ELOVL2: variants seen among roughly 807,000 people sequenced by gnomAD.
The protein encoded by ELOVL2 is very long chain fatty acid elongase 2.
ELOVL2 carries 38 observed loss-of-function variants against 37.7 expected under a neutral mutation model. The ratio of observed to expected loss-of-function variants is 1.01; its 90% CI spans 0.78 to 1.32. The LOEUF is 1.32. Ranked by LOEUF, ELOVL2 falls within the 40% of genes most tolerant of loss-of-function variation. The pLI is 0.00. For missense variants in ELOVL2, 352 were observed against 363.6 expected (o/e 0.97, Z 0.26); for synonymous variants, 115 against 122.3 (o/e 0.94, Z 0.40).
At chr6:11,014,197 T>C (rs1021402774) in intron 1 of ELOVL2, among the ~76,000 whole-genome samples, 4 of 152,242 alleles carry the variant, frequency 2.6e-5, no homozygotes, top group African/African-American at 9.6e-5. Flanking sequence ...TTCAGTAGTT[T>C]GGTAAAAACA....
chr6:11,042,630 A>C (rs1190387668), intron 1 of ELOVL2, among the ~76,000 whole-genome samples: 1 of 151,940 alleles, frequency 6.6e-6, no homozygotes, highest in Non-Finnish European at 1.5e-5. Context: ...CTCTGATGCC[A>C]AGGTGCAAAG....
chr6:10,995,083 A>C lies in ELOVL2; in HGVS notation c.429T>G (p.Thr143=), dbSNP rs748990852. 6.2e-7 allele frequency: 1 copy of C among 1,613,568 alleles called. No individual in the cohort carries two copies. Among genetic ancestry groups the C allele is most frequent in the Non-Finnish European group, 8.5e-7 (1 of 1,179,488 alleles). The change falls in exon 5 of 8, where the codon ACT becomes ACG. Residue 143 remains threonine (T), a synonymous_variant. Coordinates refer to ENST00000354666, the MANE Select transcript of ELOVL2 (RefSeq NM_017770.4). ...AAGCATGATGATATACATGAAGAAA[A>C]GTAATCTGACTCGTTTTTTTCCGCA... The part of the protein sequence containing the change: ...FVLRKKTSQI[T]FLHVYHHASM...
In ELOVL2 at chr6:11,010,733, G is replaced by A. The variant is rs1782559177; in HGVS notation, c.67+13C>T. 2 of 1,607,372 alleles carry A rather than the reference G, an allele frequency of 1.2e-6. No homozygotes were observed. Among genetic ancestry groups the A allele is most frequent in the South Asian group, 1.1e-5 (1 of 90,630 alleles). On this transcript the variant is annotated intron_variant, in intron 2 of 7. Coordinates refer to ENST00000354666, the MANE Select transcript of ELOVL2 (RefSeq NM_017770.4). ...TGTTCCTTCCACATTAAGTTCTCAA[G>A]TAATTCACTGACCTCGCGGTCCAAA...
chr6:10,997,553 C>A (rs559628408), intron 4 of ELOVL2, among the ~76,000 whole-genome samples: 1 of 152,262 alleles, frequency 6.6e-6, no homozygotes, highest in Non-Finnish European at 1.5e-5. Flanking sequence ...CCCATTCTTT[C>A]ATGTCTTTTA....
chr6:11,028,395 G>A (rs537349469), intron 1 of ELOVL2, among the ~76,000 whole-genome samples: 37 of 152,244 alleles, frequency 2.4e-4, no homozygotes, highest in African/African-American at 6.7e-4. Flanking sequence ...TTGACTAGAC[G>A]CAGGTGTGGA....
chr6:11,013,164 CAGAG>C (rs777649309), intron 1 of ELOVL2, among the ~76,000 whole-genome samples: 3 of 152,182 alleles, frequency 2.0e-5, no homozygotes, highest in South Asian at 2.1e-4. Flanking sequence ...ACCTATCTGA[CAGAG>C]AGAACCACAG....
At position 11,044,084 on chromosome 6, in the gene ELOVL2, C is replaced by T. The variant is rs1372282942; in HGVS notation, c.3+144G>A. 3 of 1,106,644 alleles carry T rather than the reference C, an allele frequency of 2.7e-6. No individual in the cohort carries two copies. Among genetic ancestry groups the T allele is most frequent in the African/African-American group, 1.7e-5 (1 of 59,604 alleles). 68.6% of individuals were successfully genotyped at this position (1,106,644 alleles called of 1,614,324 possible). On this transcript the variant is annotated intron_variant, in intron 1 of 7. Coordinates refer to ENST00000354666, the MANE Select transcript of ELOVL2 (RefSeq NM_017770.4). The surrounding 1 kb of genome is among the most constrained non-coding windows in gnomAD (Gnocchi z 5.6). The stretch of plus-strand genomic sequence containing the variant: ...TCCCGCTCCCCAGGCCCGCGCGGAC[C>T]CGGCCCCTCCGAGGGTAGCGGGTTC...
At chr6:10,986,928 C>T (rs1229916502) in intron 7 of ELOVL2, among the ~76,000 whole-genome samples, 2 of 152,310 alleles carry the variant, frequency 1.3e-5, no homozygotes, top group Admixed American at 1.3e-4. Context: ...GGAATGGTAC[C>T]AGTTCCTCCT....
chr6:11,026,854 A>G (rs552280593), intron 1 of ELOVL2, among the ~76,000 whole-genome samples: 2 of 148,548 alleles, frequency 1.3e-5, no homozygotes, highest in South Asian at 4.2e-4. Context: ...CTATCCTTAC[A>G]TAGAGATTTC....
intron 5 of ELOVL2, among the ~76,000 whole-genome samples, chr6:10,992,388 A>G (rs1274422175): frequency 6.6e-6 from 1 of 151,844 alleles, no homozygotes; most frequent in Non-Finnish European, 1.5e-5. Context: ...ACAGTATCAA[A>G]TAGAGAGTAC....
intron 1 of ELOVL2, among the ~76,000 whole-genome samples, chr6:11,040,448 GA>G (rs910108833): frequency 6.6e-6 from 1 of 151,426 alleles, no homozygotes; most frequent in South Asian, 2.1e-4. Flanking sequence ...GATTTTCTAT[GA>G]AAAAAAACAA....
At chr6:10,995,656 T>G (rs1782254750) in intron 4 of ELOVL2, among the ~76,000 whole-genome samples, 1 of 152,262 alleles carries the variant, frequency 6.6e-6, no homozygotes, top group Non-Finnish European at 1.5e-5. Flanking sequence ...ACCTTTTCTC[T>G]GGAACTTCAC....
intron 2 of ELOVL2, among the ~76,000 whole-genome samples, chr6:11,008,633 C>A (rs1476491950): frequency 1.3e-5 from 2 of 152,094 alleles, no homozygotes; most frequent in African/African-American, 2.4e-5. Flanking sequence ...GCCCTCTACA[C>A]TGAGCTGTTC....
chr6:11,044,276 G>A lies in ELOVL2; in HGVS notation c.-46C>T, dbSNP rs766759603. ...CGGCGACCCGGGCGGGCGGCGATGC[G>A]CTGTCCAGGGTAGCCGGGTCCCTCT... is the stretch of plus-strand genomic sequence containing the variant. On this transcript the variant is annotated 5_prime_UTR_variant, in exon 1 of 8. Coordinates refer to ENST00000354666, the MANE Select transcript of ELOVL2 (RefSeq NM_017770.4). The surrounding 1 kb of genome is among the most constrained non-coding windows in gnomAD (Gnocchi z 5.6). 193 of 1,310,984 alleles carry A rather than the reference G, an allele frequency of 1.5e-4. No individual in the cohort carries two copies. The highest frequency in any genetic ancestry group is 1.7e-4 in the Non-Finnish European group (173 of 1,032,442). The allele number at this position is 1,310,984 out of a possible 1,614,324, so 81.2% of individuals were successfully genotyped here.
intron 4 of ELOVL2, among the ~76,000 whole-genome samples, chr6:10,998,680 A>G (rs1782317500): frequency 6.6e-6 from 1 of 152,036 alleles, no homozygotes; most frequent in African/African-American, 2.4e-5. Context: ...TCGCTTTCTC[A>G]TAGATATCCT....
chr6:11,006,265 G>A (rs544780036), intron 2 of ELOVL2, among the ~76,000 whole-genome samples: 6 of 152,280 alleles, frequency 3.9e-5, no homozygotes, highest in East Asian at 3.9e-4. Context: ...CCATGGGACT[G>A]GACGTTTACA....
chr6:10,986,483 G>A (rs1194435143), intron 7 of ELOVL2, among the ~76,000 whole-genome samples: 1 of 152,134 alleles, frequency 6.6e-6, no homozygotes, highest in African/African-American at 2.4e-5. Flanking sequence ...TTGGCTGTGG[G>A]TTTGTCATAG....
intron 1 of ELOVL2, among the ~76,000 whole-genome samples, chr6:11,018,863 C>T (rs1782722425): frequency 6.6e-6 from 1 of 152,076 alleles, no homozygotes; most frequent in African/African-American, 2.4e-5. Context: ...TATTATATAA[C>T]CATTAATTTC....
chr6:11,001,767 C>T lies in ELOVL2; in HGVS notation c.256-1603G>A, dbSNP rs187250249. Among the ~76,000 whole-genome samples, 9 of 152,274 alleles carry T rather than the reference C, an allele frequency of 5.9e-5. No individual in the cohort carries two copies. The East Asian group carries it at 1.7e-3, about 29-fold the overall frequency. On this transcript the variant is annotated intron_variant, in intron 3 of 7. Coordinates refer to ENST00000354666, the MANE Select transcript of ELOVL2 (RefSeq NM_017770.4). Reference sequence around the variant, plus strand: ...CCAAGCTAGAGAGGCTCTGTCTCTCCCTGGACCATTCTTAATCCCCTTACT... The same window carrying T: ...CCAAGCTAGAGAGGCTCTGTCTCTCTCTGGACCATTCTTAATCCCCTTACT...
Sources: allele counts gnomAD v4.1 joint callset (sites outside exome capture counted in the v4.1 genomes callset), GRCh38; gene constraint gnomAD v4.1.1; non-coding constraint Gnocchi (gnomAD v3.1); transcripts MANE v1.5; gene names NCBI Gene and HGNC (gene_info 2026-07-23, HGNC 2026-07-21).